The following DTHD1 variants were observed in gnomAD, a reference collection of about 807,000 sequenced individuals.
The protein encoded by DTHD1 is death domain containing 1, also known as death domain-containing protein 1.
In DTHD1, 59 loss-of-function variants were observed where a neutral mutation model predicts 74.8. The observed-to-expected ratio is 0.79, with a 90% CI of 0.64 to 0.98. The LOEUF (loss-of-function observed/expected upper bound fraction) is 0.98. Among genes scored for constraint, DTHD1 ranks in the 50% least tolerant of loss-of-function variants. The probability of loss-of-function intolerance (pLI) is 0.00; values close to 1 mark genes in which losing one functional copy is unlikely to be tolerated. For synonymous variants in DTHD1, 365 were observed against 371.1 expected (o/e 0.98, Z 0.19); for missense variants, 1,051 against 1,065.4 (o/e 0.99, Z 0.19).
At chr4:36,309,886 T>C (rs1757289043) in intron 7 of DTHD1, among the ~76,000 whole-genome samples, 1 of 152,198 alleles carries the variant, frequency 6.6e-6, no homozygotes, top group Non-Finnish European at 1.5e-5. Flanking sequence ...CTCCAGTTTC[T>C]ATTGTTGCCA....
Position 36,281,949 on chromosome 4 carries a change from A to T in DTHD1, c.191A>T (p.His64Leu). 1 of 1,393,694 alleles carries T rather than the reference A, an allele frequency of 7.2e-7. No individual in the cohort carries two copies. Among genetic ancestry groups the T allele is most frequent in the East Asian group, 2.7e-5 (1 of 36,836 alleles). The allele number at this position is 1,393,694 out of a possible 1,614,324, so 86.3% of individuals were successfully genotyped here. The change falls in exon 1 of 10, where the codon CAC becomes CTC. Residue 64 changes from histidine (H) to leucine (L), a missense_variant. Transcript: ENST00000639862. ...LSSALHQLLE[H>L]TSGTLRSTCQ... ...AGTGCCCTTCACCAGCTGCTGGAGC[A>T]CACCTCAGGCACCCTGCGTTCCACC... is the stretch of plus-strand genomic sequence containing the variant.
In DTHD1 at chr4:36,343,638, A is replaced by G. The variant is rs1360806091; in HGVS notation, c.2535A>G (p.Thr845=). Residue 845 remains threonine, a synonymous_variant, in exon 10 of 10, where the codon ACA becomes ACG. Transcript: ENST00000639862. ...AACTCAAGAACCCTGATGATCTCAC[A>G]GAACAGATCCACGAGTTTCTTTGCT... ...LIKLKNPDDL[T]EQIHEFLCFW... 2.6e-6 allele frequency: 4 copies of G among 1,551,820 alleles called. No homozygotes were observed. Among genetic ancestry groups the G allele is most frequent in the Admixed American group, 2.0e-5 (1 of 50,992 alleles).
At chr4:36,339,564 ATATT>A (rs772836855) in intron 9 of DTHD1, among the ~76,000 whole-genome samples, 1 of 152,244 alleles carries the variant, frequency 6.6e-6, no homozygotes, top group Non-Finnish European at 1.5e-5. Context: ...TTTGAGGTAT[ATATT>A]GATATGAAAC....
chr4:36,290,796 T>C, intron 3 of DTHD1, 93 bp downstream of exon 3: 1 of 993,164 alleles, frequency 1.0e-6, no homozygotes, highest in Non-Finnish European at 1.4e-6. Flanking sequence ...ATATAATTGC[T>C]CCACTAGTAA....
At chr4:36,340,006 C>A (rs1253889652) in intron 9 of DTHD1, among the ~76,000 whole-genome samples, 1 of 152,166 alleles carries the variant, frequency 6.6e-6, no homozygotes, top group Non-Finnish European at 1.5e-5. Context: ...AATTTGATGT[C>A]CAGATAAAAG....
At chr4:36,326,660 CTT>C (rs1330044593) in intron 8 of DTHD1, among the ~76,000 whole-genome samples, 1 of 152,184 alleles carries the variant, frequency 6.6e-6, no homozygotes. Context: ...TTGCTGAACT[CTT>C]TAATGAATAA....
Position 36,284,109 on chromosome 4 carries a change from A to G in DTHD1, c.405A>G (p.Thr135=). ...GMHDECTPQQ[T]MSSIQDTKAA... ...ATGATGAATGTACTCCACAGCAGAC[A>G]ATGTCCTCCATTCAAGATACCAAAG... The change falls in exon 2 of 10, where the codon ACA becomes ACG. Residue 135 remains threonine (T), a synonymous_variant. Transcript: ENST00000639862. 6.5e-7 allele frequency: 1 copy of G among 1,537,266 alleles called. No homozygotes were observed. The highest frequency in any genetic ancestry group is 8.7e-7 in the Non-Finnish European group (1 of 1,146,906).
At chr4:36,309,970 C>T (rs1445903285) in intron 7 of DTHD1, among the ~76,000 whole-genome samples, 1 of 152,146 alleles carries the variant, frequency 6.6e-6, no homozygotes, top group African/African-American at 2.4e-5. Flanking sequence ...TCTGTTTCTG[C>T]ATTAATTTGC....
At position 36,306,371 on chromosome 4, in the gene DTHD1, A is replaced by G; in HGVS notation, c.1805+19A>G. 1 of 1,519,644 alleles carries G rather than the reference A, an allele frequency of 6.6e-7. No homozygotes were observed. The highest frequency in any genetic ancestry group is 8.9e-7 in the Non-Finnish European group (1 of 1,128,036). 94.1% of individuals were successfully genotyped at this position (1,519,644 alleles called of 1,614,324 possible). On this transcript the variant is annotated intron_variant, in intron 6 of 9. Transcript: ENST00000639862. ...TGGAGAGGTAATACCATCAAAAACA[A>G]TCAAAGTTGATGATACTCTTTCTGA...
intron 8 of DTHD1, among the ~76,000 whole-genome samples, chr4:36,336,062 T>C (rs932823440): frequency 2.6e-5 from 4 of 152,360 alleles, no homozygotes; most frequent in Non-Finnish European, 2.9e-5. Flanking sequence ...CTTATATTTT[T>C]ATACTGATGC....
chr4:36,295,515 A>G (rs1458677256), intron 5 of DTHD1, among the ~76,000 whole-genome samples: 1 of 152,122 alleles, frequency 6.6e-6, no homozygotes, highest in Non-Finnish European at 1.5e-5. Flanking sequence ...AGGGTAAGAA[A>G]AAAACCAAAA....
chr4:36,289,335 A>G (rs543821206), intron 2 of DTHD1, among the ~76,000 whole-genome samples: 112 of 152,278 alleles, frequency 7.4e-4, no homozygotes, highest in African/African-American at 2.4e-3. Flanking sequence ...ATCACATTCA[A>G]TCTTCACACT....
At chr4:36,305,309 C>T (rs1422636337) in intron 5 of DTHD1, among the ~76,000 whole-genome samples, 2 of 152,138 alleles carry the variant, frequency 1.3e-5, no homozygotes, top group Non-Finnish European at 2.9e-5. Context: ...TTAATGGACT[C>T]ACAGTTCCAT....
intron 2 of DTHD1, among the ~76,000 whole-genome samples, chr4:36,289,577 A>T (rs1268944886): frequency 6.6e-6 from 1 of 152,154 alleles, no homozygotes; most frequent in Non-Finnish European, 1.5e-5. Flanking sequence ...GCACCTACCT[A>T]ATACAATAGT....
chr4:36,307,514 A>C (rs549920310), intron 6 of DTHD1, among the ~76,000 whole-genome samples: 7 of 152,324 alleles, frequency 4.6e-5, no homozygotes, highest in Non-Finnish European at 8.8e-5. Context: ...CTTATCTCCA[A>C]ATAAGGTCAC....
intron 2 of DTHD1, among the ~76,000 whole-genome samples, chr4:36,288,365 T>C (rs958818436): frequency 3.5e-4 from 54 of 152,354 alleles, no homozygotes; most frequent in African/African-American, 1.2e-3. Context: ...CCCAAAGTGC[T>C]GAGATTACAG....
chr4:36,316,936 C>T (rs1017498508), intron 8 of DTHD1, among the ~76,000 whole-genome samples: 1 of 152,186 alleles, frequency 6.6e-6, no homozygotes, highest in Non-Finnish European at 1.5e-5. Context: ...AATTCTTACT[C>T]ATGTCAGAAA....
At chr4:36,297,991 G>A (rs1289215658) in intron 5 of DTHD1, among the ~76,000 whole-genome samples, 1 of 151,588 alleles carries the variant, frequency 6.6e-6, no homozygotes. Flanking sequence ...CTGTGGAGTG[G>A]GAAAGTGGCT....
At chr4:36,300,452 T>C (rs1756693937) in intron 5 of DTHD1, among the ~76,000 whole-genome samples, 2 of 152,220 alleles carry the variant, frequency 1.3e-5, no homozygotes, top group Non-Finnish European at 2.9e-5. Flanking sequence ...GCCATCTTAG[T>C]AATCCCCTCA....
Sources: gnomAD v4.1 joint callset for allele counts (sites outside exome capture counted in the v4.1 genomes callset) on GRCh38, gnomAD v4.1.1 for gene constraint, MANE v1.5 for transcripts, NCBI Gene and HGNC (gene_info 2026-07-23, HGNC 2026-07-21) for gene names.